LHFPL6: variants seen among roughly 807,000 people sequenced by gnomAD.
The protein encoded by LHFPL6 is LHFPL tetraspan subfamily member 6 protein.
In LHFPL6, 9 loss-of-function variants were observed where a neutral mutation model predicts 20.6. The observed-to-expected ratio is 0.44, with a 90% CI of 0.26 to 0.76. The LOEUF (loss-of-function observed/expected upper bound fraction) is 0.76, where lower values mean the gene tolerates loss of function less well. Ranked by LOEUF, LHFPL6 falls within the 30% of genes least tolerant of loss-of-function variation. The pLI, the probability that LHFPL6 is intolerant of heterozygous loss-of-function variation, is 0.20. For synonymous variants in LHFPL6, 105 were observed against 98.7 expected (o/e 1.06, Z -0.38); for missense variants, 218 against 253.5 (o/e 0.86, Z 0.95).
intron 2 of LHFPL6, among the ~76,000 whole-genome samples, chr13:39,384,030 C>A (rs1040600706): frequency 6.6e-6 from 1 of 152,154 alleles, no homozygotes; most frequent in Admixed American, 6.6e-5. Context: ...ACGTTAAATC[C>A]CTGGGCTACA....
At chr13:39,407,485 C>A (rs949127496) in intron 2 of LHFPL6, among the ~76,000 whole-genome samples, 1 of 152,148 alleles carries the variant, frequency 6.6e-6, no homozygotes, top group African/African-American at 2.4e-5. Context: ...CAGGTAAGTG[C>A]CAAATGGGAC....
chr13:39,507,140 T>C (rs1869512805), intron 2 of LHFPL6, among the ~76,000 whole-genome samples: 2 of 152,228 alleles, frequency 1.3e-5, no homozygotes, highest in Admixed American at 1.3e-4. Context: ...TGTTTAAAAA[T>C]AACATGATGC....
At chr13:39,564,086 A>G (rs1397624171) in intron 2 of LHFPL6, among the ~76,000 whole-genome samples, 5 of 150,904 alleles carry the variant, frequency 3.3e-5, no homozygotes, top group Admixed American at 1.3e-4. Flanking sequence ...GAGTCATTAA[A>G]TCCAGGAGAT....
At chr13:39,366,416 T>C (rs564051005) in intron 3 of LHFPL6, among the ~76,000 whole-genome samples, 1 of 152,322 alleles carries the variant, frequency 6.6e-6, no homozygotes, top group East Asian at 1.9e-4. Context: ...TTAGTCAAGA[T>C]ATGAATAACA....
intron 2 of LHFPL6, among the ~76,000 whole-genome samples, chr13:39,581,817 A>T (rs1872296564): frequency 6.6e-6 from 1 of 152,174 alleles, no homozygotes; most frequent in Admixed American, 6.5e-5. Flanking sequence ...GCACTATCTG[A>T]GGGGAGGCTT....
intron 2 of LHFPL6, among the ~76,000 whole-genome samples, chr13:39,385,101 T>G (rs1870532627): frequency 6.6e-6 from 1 of 152,204 alleles, no homozygotes; most frequent in Admixed American, 6.5e-5. Context: ...ATTAGCTCAA[T>G]CTTTAGTTTC....
At chr13:39,426,440 G>A (rs772406367) in intron 2 of LHFPL6, among the ~76,000 whole-genome samples, 29 of 151,980 alleles carry the variant, frequency 1.9e-4, no homozygotes, top group Non-Finnish European at 3.7e-4. Flanking sequence ...GGCTGGTCTC[G>A]AACTCCCGAC....
chr13:39,562,447 CACAT>C (rs371650016), intron 2 of LHFPL6, among the ~76,000 whole-genome samples: 2 of 68,542 alleles, frequency 2.9e-5, no homozygotes, highest in East Asian at 4.6e-4. Context: ...TACATATATA[CACAT>C]ATATACATAT....
intron 2 of LHFPL6, among the ~76,000 whole-genome samples, chr13:39,523,385 C>T (rs1314481932): frequency 1.3e-5 from 2 of 152,048 alleles, no homozygotes; most frequent in South Asian, 2.1e-4. Flanking sequence ...CTGGCTAACA[C>T]GGTGAAACCC....
At chr13:39,409,435 C>T (rs546962985) in intron 2 of LHFPL6, among the ~76,000 whole-genome samples, 19 of 151,996 alleles carry the variant, frequency 1.3e-4, no homozygotes, top group South Asian at 1.2e-3. Flanking sequence ...GCCTGGGCAA[C>T]GGAGTGAGAC....
At chr13:39,370,556 C>T (rs1870138910) in intron 3 of LHFPL6, among the ~76,000 whole-genome samples, 1 of 152,146 alleles carries the variant, frequency 6.6e-6, no homozygotes, top group African/African-American at 2.4e-5. Context: ...TGGAATAATC[C>T]ATTTACTCTA....
intron 2 of LHFPL6, among the ~76,000 whole-genome samples, chr13:39,488,139 G>A (rs1868788879): frequency 6.6e-6 from 1 of 152,078 alleles, no homozygotes; most frequent in Non-Finnish European, 1.5e-5. Context: ...AGGCTCCAGG[G>A]AGCATATTAC....
chr13:39,478,790 T>G (rs1868395525), intron 2 of LHFPL6, among the ~76,000 whole-genome samples: 1 of 152,108 alleles, frequency 6.6e-6, no homozygotes. Context: ...GGGATTTACA[T>G]GATCAACTCC....
At chr13:39,387,039 C>T (rs1285082796) in intron 2 of LHFPL6, among the ~76,000 whole-genome samples, 1 of 152,200 alleles carries the variant, frequency 6.6e-6, no homozygotes, top group East Asian at 1.9e-4. Context: ...GATGCACTCT[C>T]TACCCTTTAC....
intron 3 of LHFPL6, among the ~76,000 whole-genome samples, chr13:39,370,522 A>T (rs560518904): frequency 6.6e-6 from 1 of 152,212 alleles, no homozygotes; most frequent in Admixed American, 6.5e-5. Flanking sequence ...CTATTAACCA[A>T]CCTCCCAAAT....
At chr13:39,439,699 A>T (rs1566111847) in intron 2 of LHFPL6, among the ~76,000 whole-genome samples, 1 of 152,122 alleles carries the variant, frequency 6.6e-6, no homozygotes, top group Non-Finnish European at 1.5e-5. Flanking sequence ...TGTTCTCATG[A>T]TAGTGAGTGA....
At chr13:39,357,143 G>A (rs1373720871) in intron 3 of LHFPL6, among the ~76,000 whole-genome samples, 1 of 152,132 alleles carries the variant, frequency 6.6e-6, no homozygotes, top group African/African-American at 2.4e-5. Context: ...CTGCACTCCA[G>A]CCTGGGCAAC....
At chr13:39,454,628 C>CAA (rs57933417) in intron 2 of LHFPL6, among the ~76,000 whole-genome samples, 1 of 68,514 alleles carries the variant, frequency 1.5e-5, no homozygotes, top group African/African-American at 4.5e-5. Flanking sequence ...GACTCCGTCT[C>CAA]AAAAAAAAAA....
intron 2 of LHFPL6, among the ~76,000 whole-genome samples, chr13:39,544,013 A>G (rs113389424): frequency 2.3e-4 from 35 of 152,360 alleles, no homozygotes; most frequent in African/African-American, 8.4e-4. Flanking sequence ...TTGGAAAACT[A>G]TCATAGACTT....
Sources: allele counts gnomAD v4.1 joint callset (sites outside exome capture counted in the v4.1 genomes callset), GRCh38; gene constraint gnomAD v4.1.1; transcripts MANE v1.5; gene names NCBI Gene and HGNC (gene_info 2026-07-23, HGNC 2026-07-21).